The following ABCA13 variants were observed in gnomAD, a reference collection of about 807,000 sequenced individuals.
The protein encoded by ABCA13 is ATP binding cassette subfamily A member 13, also known as ATP-binding cassette sub-family A member 13.
ABCA13 carries 476 observed loss-of-function variants against 478.7 expected under a neutral mutation model. That is an observed-to-expected ratio of 0.99 (90% CI 0.92 to 1.07). The LOEUF (loss-of-function observed/expected upper bound fraction) is 1.07, where lower values mean the gene tolerates loss of function less well. Ranked by LOEUF, ABCA13 falls within the 50% of genes least tolerant of loss-of-function variation. The pLI, the probability that ABCA13 is intolerant of heterozygous loss-of-function variation, is 0.00. For missense variants in ABCA13, 6,060 were observed against 5,910.6 expected (o/e 1.03, Z -0.83); for synonymous variants, 2,252 against 2,158.9 (o/e 1.04, Z -1.20).
intron 1 of ABCA13, among the ~76,000 whole-genome samples, chr7:48,181,979 T>C (rs570690659): frequency 6.6e-6 from 1 of 152,054 alleles, no homozygotes; most frequent in Admixed American, 6.6e-5. Context: ...CTCCCTGGAG[T>C]CATCTTGGCC....
In ABCA13 at chr7:48,398,160, G is replaced by A. The variant is rs1379977862; in HGVS notation, c.11874-5523G>A. ...ACTATATATTATGAGATAGCAAATTGGCTATGTCCAACCTGATTTCTTTAA... is the reference window on the plus strand; with the variant it reads ...ACTATATATTATGAGATAGCAAATTAGCTATGTCCAACCTGATTTCTTTAA... On this transcript the variant is annotated intron_variant, in intron 38 of 61. Coordinates refer to ENST00000435803, the MANE Select transcript of ABCA13 (RefSeq NM_152701.5). Among the ~76,000 whole-genome samples the A allele has an allele frequency of 3.9e-5, 6 of 152,256 alleles. No homozygotes were observed. The East Asian group carries it at 1.2e-3, about 29-fold the overall frequency.
intron 60 of ABCA13, among the ~76,000 whole-genome samples, chr7:48,643,708 A>G (rs1795263244): frequency 6.6e-6 from 1 of 152,226 alleles, no homozygotes; most frequent in Non-Finnish European, 1.5e-5. Context: ...GAAGATTGCA[A>G]AAGCTAATCT....
At position 48,403,729 on chromosome 7, in the gene ABCA13, C is replaced by T. The variant is rs544438554; in HGVS notation, c.11920C>T (p.Arg3974Ter). The change falls in exon 39 of 62, where the codon CGA (arginine) becomes TGA (stop). Residue 3974 changes from arginine to a stop codon, truncating the protein, a stop_gained. Coordinates refer to ENST00000435803, the MANE Select transcript of ABCA13 (RefSeq NM_152701.5). LOFTEE classifies it high-confidence loss of function. The stretch of plus-strand genomic sequence containing the variant: ...AACTCAGCATCAGCACAAACAGACC[C>T]GAGCTCTGTCTGGAGGCCTGAAGAG... Reference protein sequence around the residue: ...DLTQHQHKQTRALSGGLKRKL... With the variant: ...DLTQHQHKQT 8.6e-5 allele frequency: 139 copies of T among 1,613,968 alleles called. No individual in the cohort carries two copies. The South Asian group carries it at 1.3e-3, about 15-fold the overall frequency.
intron 3 of ABCA13, among the ~76,000 whole-genome samples, chr7:48,202,319 C>T (rs916977482): frequency 2.6e-5 from 4 of 152,158 alleles, no homozygotes; most frequent in Admixed American, 2.6e-4. Flanking sequence ...CACAAAGGTT[C>T]TCCACGTCCC....
intron 32 of ABCA13, among the ~76,000 whole-genome samples, chr7:48,370,499 TC>T (rs1348179361): frequency 1.3e-5 from 2 of 152,154 alleles, no homozygotes; most frequent in East Asian, 3.9e-4. Flanking sequence ...TTTCAACTTT[TC>T]CCTGTTCAGT....
chr7:48,440,099 T>C (rs1455850670), intron 42 of ABCA13, among the ~76,000 whole-genome samples: 1 of 152,206 alleles, frequency 6.6e-6, no homozygotes, highest in Non-Finnish European at 1.5e-5. Flanking sequence ...TATTTAAGAA[T>C]AGTGTTCTAA....
intron 24 of ABCA13, among the ~76,000 whole-genome samples, chr7:48,312,842 T>G (rs1299618876): frequency 6.6e-6 from 1 of 152,260 alleles, no homozygotes; most frequent in Non-Finnish European, 1.5e-5. Context: ...CATTTGTTTC[T>G]GGTTTACATT....
chr7:48,506,663 A>G (rs112074365), intron 49 of ABCA13, among the ~76,000 whole-genome samples: 1,885 of 152,368 alleles, frequency 0.012, 19 homozygotes, highest in Non-Finnish European at 0.016. Context: ...ATGATTTACC[A>G]GAAACTTATG....
At chr7:48,508,698 C>T (rs1246922989) in intron 50 of ABCA13, among the ~76,000 whole-genome samples, 2 of 152,188 alleles carry the variant, frequency 1.3e-5, no homozygotes, top group Non-Finnish European at 2.9e-5. Flanking sequence ...TCCTTGCCCT[C>T]ATACATATGA....
intron 18 of ABCA13, 73 bp from the exon 19 acceptor site, chr7:48,281,270 C>A: frequency 8.1e-7 from 1 of 1,234,716 alleles, no homozygotes; most frequent in Non-Finnish European, 1.2e-6. Flanking sequence ...TATAACTTAA[C>A]CTACACAGTA....
intron 41 of ABCA13, among the ~76,000 whole-genome samples, chr7:48,426,693 A>C (rs1259149886): frequency 6.6e-6 from 1 of 152,188 alleles, no homozygotes; most frequent in Non-Finnish European, 1.5e-5. Flanking sequence ...AAGCACCTGC[A>C]CAGATGATGC....
At chr7:48,524,782 A>ACAT (rs1832777045) in intron 54 of ABCA13, among the ~76,000 whole-genome samples, 1 of 152,208 alleles carries the variant, frequency 6.6e-6, no homozygotes, top group African/African-American at 2.4e-5. Context: ...TCTTACTGGG[A>ACAT]CATCAGTACT....
intron 2 of ABCA13, among the ~76,000 whole-genome samples, chr7:48,197,645 TGG>T (rs1352364442): frequency 0.013 from 1,907 of 152,180 alleles, 19 homozygotes; most frequent in Admixed American, 0.02. Context: ...ACCCTCCTGA[TGG>T]TGTGAAGGGA....
rs763329595 is a variant in ABCA13 at position 48,489,320 on chromosome 7, C to T, written c.13267C>T (p.Pro4423Ser). 6.2e-7 allele frequency: 1 copy of T among 1,610,470 alleles called. No homozygotes were observed. The highest frequency in any genetic ancestry group is 1.1e-5 in the South Asian group (1 of 90,800). ...NNLILWQHLP[P>S]TVDWRQYGIT... The stretch of plus-strand genomic sequence containing the variant: ...CCTTATTTTGTGGCAGCACCTACCC[C>T]CTACTGTGGACTGGAGACAATACGG... The change falls in exon 48 of 62, where the codon CCT (proline) becomes TCT (serine). Residue 4423 changes from proline (P) to serine (S), a missense_variant. Physicochemically the swap from Pro to Ser is moderately conservative, Grantham distance 74. Transcript: ENST00000435803.
intron 15 of ABCA13, among the ~76,000 whole-genome samples, chr7:48,258,700 T>A (rs1399652856): frequency 6.6e-6 from 1 of 152,170 alleles, no homozygotes; most frequent in Non-Finnish European, 1.5e-5. Flanking sequence ...GTAGGTGTGA[T>A]GTTAGGTTAT....
At chr7:48,466,464 C>G (rs1826885429) in intron 43 of ABCA13, among the ~76,000 whole-genome samples, 1 of 152,166 alleles carries the variant, frequency 6.6e-6, no homozygotes, top group Admixed American at 6.5e-5. Context: ...CTCAATGTAG[C>G]TCACATATAG....
chr7:48,553,218 G>A (rs1785488799), intron 55 of ABCA13, among the ~76,000 whole-genome samples: 1 of 152,070 alleles, frequency 6.6e-6, no homozygotes, highest in Non-Finnish European at 1.5e-5. Context: ...ATCTGCTGAT[G>A]GACACTTAGG....
At chr7:48,412,070 C>T (rs1819337160) in intron 40 of ABCA13, among the ~76,000 whole-genome samples, 2 of 152,172 alleles carry the variant, frequency 1.3e-5, no homozygotes, top group Admixed American at 6.5e-5. Context: ...TGAATACAAA[C>T]CTCTGGAGGC....
rs539313046 is a variant in ABCA13, at chr7:48,623,326, T to A, written c.14837+7949T>A. ...TCACAAAGTTTTTATTTCTTCGTTA[T>A]CCTTTTCTTTCTTTGTATCTATGTC... On this transcript the variant is annotated intron_variant, in intron 59 of 61. Transcript: ENST00000435803. Among the ~76,000 whole-genome samples, 6 of 152,366 alleles carry A rather than the reference T, an allele frequency of 3.9e-5. No individual in the cohort carries two copies. In the East Asian group the frequency reaches 1.2e-3, roughly 29 times the overall value.
Sources: allele counts gnomAD v4.1 joint callset (sites outside exome capture counted in the v4.1 genomes callset), GRCh38; gene constraint gnomAD v4.1.1; transcripts MANE v1.5; gene names NCBI Gene and HGNC (gene_info 2026-07-23, HGNC 2026-07-21).